The following PRKD3 variants were observed in gnomAD, a reference collection of about 807,000 sequenced individuals.
The protein encoded by PRKD3 is serine/threonine-protein kinase D3.
Under a neutral mutation model 99.2 loss-of-function variants are expected in PRKD3, and 47 were observed. That is an observed-to-expected ratio of 0.47 (90% CI 0.38 to 0.60). PRKD3 has a LOEUF of 0.60. Ranked by LOEUF, PRKD3 falls within the 20% of genes least tolerant of loss-of-function variation. The pLI is 0.00. For synonymous variants in PRKD3, 392 were observed against 355.4 expected, an observed-to-expected ratio of 1.10 and a Z score of -1.16; for missense variants, 1,019 against 1,088.4, an observed-to-expected ratio of 0.94 and a Z score of 0.90.
chr2:37,270,820 T>A (rs1295893534), intron 12 of PRKD3, among the ~76,000 whole-genome samples: 4 of 152,232 alleles, frequency 2.6e-5, no homozygotes, highest in Non-Finnish European at 5.9e-5. Flanking sequence ...GCATATATAA[T>A]AACTGCTAGG....
rs1028012955 is a variant in PRKD3, at chr2:37,251,308, G to C, written c.*1869C>G. On this transcript the variant is annotated 3_prime_UTR_variant, in exon 19 of 19. Coordinates refer to ENST00000234179, the MANE Select transcript of PRKD3 (RefSeq NM_005813.6). ...GAGGTATTTATGGGTAGATAGTACA[G>C]CATAATGGTTGGGAGGGCTAAGGGT... The C allele has an allele frequency of 6.6e-6, 1 of 152,564 alleles. No homozygotes were observed. Among genetic ancestry groups the C allele is most frequent in the African/African-American group, 2.4e-5 (1 of 41,442 alleles). The allele number at this position is 152,564 out of a possible 1,614,324, so 9.5% of individuals were successfully genotyped here.
chr2:37,322,531 A>G (rs1671930562), intron 1 of PRKD3, among the ~76,000 whole-genome samples: 1 of 152,228 alleles, frequency 6.6e-6, no homozygotes, highest in Non-Finnish European at 1.5e-5. Context: ...AAGATTATGG[A>G]CTGCCAGTCT....
intron 16 of PRKD3, among the ~76,000 whole-genome samples, chr2:37,257,273 CCAT>C (rs1333372095): frequency 2.6e-5 from 4 of 152,138 alleles, no homozygotes; most frequent in Non-Finnish European, 5.9e-5. Context: ...GATCACTCTT[CCAT>C]CATCTGTGAG....
intron 9 of PRKD3, 54 bp downstream of exon 9, chr2:37,277,812 A>C: frequency 6.3e-7 from 1 of 1,581,544 alleles, no homozygotes. Context: ...AATGCACAGA[A>C]TGAAACTCAT....
At position 37,286,331 on chromosome 2, in the gene PRKD3, A is replaced by T; in HGVS notation, c.756T>A (p.Ser252=). The T allele has an allele frequency of 6.2e-7, 1 of 1,614,176 alleles. No individual in the cohort carries two copies. Residue 252 remains serine (S), a synonymous_variant, in exon 6 of 19, where the codon TCT becomes TCA. Coordinates refer to ENST00000234179, the MANE Select transcript of PRKD3 (RefSeq NM_005813.6). The stretch of plus-strand genomic sequence containing the variant: ...CCATCCAGATTGGGCGACCACTCCA[A>T]GAAGGAATTCTCTTACTTGGTTCCT... ...VHQEPSKRIP[S]WSGRPIWMEK... is the part of the protein sequence containing the mutation.
chr2:37,282,226 T>C, intron 7 of PRKD3: 1 of 270,070 alleles, frequency 3.7e-6, no homozygotes, highest in East Asian at 7.2e-5. Context: ...TAGTACATAT[T>C]AGAACTATGA....
chr2:37,315,944 C>T lies in PRKD3; in HGVS notation c.288+293G>A, dbSNP rs968192060. Among the ~76,000 whole-genome samples the T allele has an allele frequency of 5.3e-5, 8 of 152,186 alleles. No individual in the cohort carries two copies. In the East Asian group the frequency reaches 1.2e-3, roughly 22 times the overall value. On this transcript the variant is annotated intron_variant, in intron 2 of 18. Transcript: ENST00000234179. ...TTCAACATGTTGGCCAGGCTGGTCTCGAACTCCTGACCTCAGGTGATCTGC... is the reference window on the plus strand; with the variant it reads ...TTCAACATGTTGGCCAGGCTGGTCTTGAACTCCTGACCTCAGGTGATCTGC...
chr2:37,253,314 T>A lies in PRKD3; in HGVS notation c.2536A>T (p.Thr846Ser). The A allele has an allele frequency of 6.2e-7, 1 of 1,612,356 alleles. No individual in the cohort carries two copies. The highest frequency in any genetic ancestry group is 8.5e-7 in the Non-Finnish European group (1 of 1,179,022). The change falls in exon 19 of 19, where the codon ACT becomes TCT. Residue 846 changes from threonine to serine, a missense_variant. This residue lies in a region of PRKD3 where 125 missense variants were observed against 120.6 expected (regional missense o/e 1.04). Transcript: ENST00000234179. ...GTAATGTAACGTTCTCCAATGCGAG[T>A]TTCAAATTCTCTAAGGTCAAGCCAA... is the stretch of plus-strand genomic sequence containing the variant. The part of the protein sequence containing the change: ...QTWLDLREFE[T>S]RIGERYITHE...
intron 2 of PRKD3, among the ~76,000 whole-genome samples, chr2:37,297,299 T>C (rs1429620482): frequency 6.6e-6 from 1 of 152,174 alleles, no homozygotes; most frequent in Non-Finnish European, 1.5e-5. Context: ...AAAATATTAT[T>C]CAATGTATGT....
chr2:37,264,075 C>T (rs1668658876), intron 14 of PRKD3, among the ~76,000 whole-genome samples: 1 of 152,190 alleles, frequency 6.6e-6, no homozygotes, highest in Non-Finnish European at 1.5e-5. Flanking sequence ...TTTTACATTA[C>T]CACATAATCT....
At chr2:37,278,881 A>C (rs1669702637) in intron 8 of PRKD3, 2 of 151,626 alleles carry the variant, frequency 1.3e-5, no homozygotes, top group African/African-American at 4.9e-5. Flanking sequence ...GGTTGAAGTG[A>C]GTGGAGATTG....
chr2:37,296,645 C>T (rs1670685547), intron 2 of PRKD3, among the ~76,000 whole-genome samples: 1 of 152,052 alleles, frequency 6.6e-6, no homozygotes, highest in African/African-American at 2.4e-5. Flanking sequence ...TGCCTGTAAT[C>T]GCAGCACTTT....
intron 17 of PRKD3, among the ~76,000 whole-genome samples, chr2:37,255,275 T>C (rs570609042): frequency 6.6e-6 from 1 of 151,408 alleles, no homozygotes; most frequent in East Asian, 2.0e-4. Context: ...TGATGGAATA[T>C]TAGTTAATCC....
At chr2:37,258,585 C>T (rs1668162333) in intron 16 of PRKD3, among the ~76,000 whole-genome samples, 1 of 152,158 alleles carries the variant, frequency 6.6e-6, no homozygotes, top group African/African-American at 2.4e-5. Flanking sequence ...TAGGAGTGTG[C>T]ATCTTTTGTC....
intron 2 of PRKD3, among the ~76,000 whole-genome samples, chr2:37,295,811 A>G (rs1670649528): frequency 6.6e-6 from 1 of 152,236 alleles, no homozygotes; most frequent in Admixed American, 6.5e-5. Context: ...GCAAGGCAGG[A>G]ACATGATTAA....
At chr2:37,272,269 G>A in intron 12 of PRKD3, 111 bp downstream of exon 12, 1 of 1,499,020 alleles carries the variant, frequency 6.7e-7, no homozygotes, top group Non-Finnish European at 8.9e-7. Context: ...CAACCGCAAA[G>A]TCTAGCCTAG....
chr2:37,258,249 G>T (rs1441035044), intron 16 of PRKD3, among the ~76,000 whole-genome samples: 2 of 152,204 alleles, frequency 1.3e-5, no homozygotes, highest in African/African-American at 4.8e-5. Flanking sequence ...GGTGGACTCT[G>T]ACACATATTT....
At chr2:37,285,426 C>T (rs928001300) in intron 6 of PRKD3, among the ~76,000 whole-genome samples, 2 of 151,858 alleles carry the variant, frequency 1.3e-5, no homozygotes, top group African/African-American at 4.8e-5. Context: ...CGGGTGGGTC[C>T]CTATCATAAT....
intron 4 of PRKD3, among the ~76,000 whole-genome samples, chr2:37,290,237 T>C (rs1670337301): frequency 6.6e-6 from 1 of 150,468 alleles, no homozygotes; most frequent in Admixed American, 6.6e-5. Context: ...AGAGACAACT[T>C]TTTTTTTTTG....
Sources: gnomAD v4.1 joint callset for allele counts (sites outside exome capture counted in the v4.1 genomes callset) on GRCh38, gnomAD v4.1.1 for gene constraint, gnomAD v4.1.1 regional missense constraint, MANE v1.5 for transcripts, NCBI Gene and HGNC (gene_info 2026-07-23, HGNC 2026-07-21) for gene names.